The following BLTP1 variants were observed in gnomAD, a reference collection of about 807,000 sequenced individuals.
BLTP1 encodes the protein bridge-like lipid transfer protein family member 1, also known as fragile site-associated protein.
the BLTP1 span, chr4:122,174,433 T>A: frequency 7.2e-7 from 1 of 1,391,256 alleles, no homozygotes; most frequent in South Asian, 1.5e-5. Flanking sequence ...GGAAAATCAG[T>A]AAGGCTGTAA....
the BLTP1 span, chr4:122,347,779 G>A: frequency 6.2e-7 from 1 of 1,610,210 alleles, no homozygotes; most frequent in Non-Finnish European, 8.5e-7. Context: ...TCCTCGAAGA[G>A]GTAACACTGC....
At chr4:122,332,461 C>A in the BLTP1 span, among the ~76,000 whole-genome samples, 1 of 151,836 alleles carries the variant, frequency 6.6e-6, no homozygotes, top group Admixed American at 6.6e-5. Context: ...AAAGTCACGA[C>A]CTTAGGAAAG....
the BLTP1 span, chr4:122,189,099 TATAG>T: frequency 1.0e-6 from 1 of 969,022 alleles, no homozygotes; most frequent in Non-Finnish European, 1.2e-6. Flanking sequence ...TTTGAAAAAT[TATAG>T]AGAGTAAGAT....
the BLTP1 span, chr4:122,350,490 C>A: frequency 1.6e-6 from 1 of 628,288 alleles, no homozygotes; most frequent in Non-Finnish European, 2.0e-6. Context: ...CTATTCTAGG[C>A]ACAGGAGATC....
chr4:122,262,368 A>G, the BLTP1 span, among the ~76,000 whole-genome samples: 1 of 151,658 alleles, frequency 6.6e-6, no homozygotes, highest in Non-Finnish European at 1.5e-5. Flanking sequence ...AAGTTTCAAT[A>G]TACTATTTAC....
the BLTP1 span, chr4:122,257,248 G>A: frequency 1.2e-6 from 2 of 1,612,674 alleles, no homozygotes; most frequent in Non-Finnish European, 1.7e-6. Flanking sequence ...CATGATTATT[G>A]TTACAGAGCG....
At chr4:122,203,459 G>T in the BLTP1 span, among the ~76,000 whole-genome samples, 29 of 151,916 alleles carry the variant, frequency 1.9e-4, no homozygotes, top group African/African-American at 6.7e-4. Flanking sequence ...TAGGGTGTTT[G>T]CCTAACAACT....
chr4:122,345,474 G>A, the BLTP1 span, among the ~76,000 whole-genome samples: 20 of 143,134 alleles, frequency 1.4e-4, no homozygotes, highest in African/African-American at 4.9e-4. Context: ...CTGAAGCACA[G>A]GGTATAAGTG....
At chr4:122,198,215 A>G in the BLTP1 span, 6 of 976,562 alleles carry the variant, frequency 6.1e-6, no homozygotes, top group Non-Finnish European at 7.3e-6. Flanking sequence ...TCTTTTCCCC[A>G]TAACTCTGAG....
the BLTP1 span, among the ~76,000 whole-genome samples, chr4:122,351,488 A>C: frequency 6.6e-6 from 1 of 152,182 alleles, no homozygotes. Flanking sequence ...ATTGATCTAA[A>C]AATGTCCTCT....
the BLTP1 span, among the ~76,000 whole-genome samples, chr4:122,327,210 T>G: frequency 6.6e-6 from 1 of 150,892 alleles, no homozygotes; most frequent in African/African-American, 2.4e-5. Flanking sequence ...TGTAGTCATC[T>G]CTCAATATCT....
At chr4:122,255,773 T>C in the BLTP1 span, among the ~76,000 whole-genome samples, 1 of 152,164 alleles carries the variant, frequency 6.6e-6, no homozygotes, top group African/African-American at 2.4e-5. Flanking sequence ...CCAGGAATGC[T>C]ATGTTGGGTA....
chr4:122,204,765 C>T, the BLTP1 span: 3 of 551,380 alleles, frequency 5.4e-6, no homozygotes, highest in Non-Finnish European at 6.9e-6. Context: ...GTGTTAGACG[C>T]TGTGCTAAAG....
chr4:122,359,255 AT>A, the BLTP1 span: 1 of 855,584 alleles, frequency 1.2e-6, no homozygotes, highest in South Asian at 5.4e-5. Flanking sequence ...AAAATAAAAA[AT>A]AAAAAATAAA....
At chr4:122,159,528 T>A in the BLTP1 span, among the ~76,000 whole-genome samples, 30 of 152,338 alleles carry the variant, frequency 2.0e-4, no homozygotes, top group East Asian at 5.6e-3. Context: ...CGTTGTTTAC[T>A]GCCATGGACT....
chr4:122,298,194 A>C, the BLTP1 span: 1 of 848,734 alleles, frequency 1.2e-6, no homozygotes, highest in African/African-American at 1.8e-5. Flanking sequence ...TAATTGAATA[A>C]ATAGATAAGA....
the BLTP1 span, chr4:122,344,071 A>C: frequency 2.4e-6 from 2 of 840,972 alleles, no homozygotes; most frequent in Non-Finnish European, 2.9e-6. Flanking sequence ...AATGCATAAA[A>C]GCTTCTTATT....
chr4:122,170,634 G>GA, the BLTP1 span: 1 of 1,548,868 alleles, frequency 6.5e-7, no homozygotes, highest in Non-Finnish European at 8.7e-7. Flanking sequence ...TGTTGTTCTG[G>GA]AAAAACTTTA....
At chr4:122,348,467 T>C in the BLTP1 span, 1 of 965,376 alleles carries the variant, frequency 1.0e-6, no homozygotes, top group Non-Finnish European at 1.5e-6. Context: ...AAGAATATTA[T>C]ATTTTTACTT....
Sources: gnomAD v4.1 joint callset for allele counts (sites outside exome capture counted in the v4.1 genomes callset) on GRCh38, gnomAD v4.1.1 for gene constraint, MANE v1.5 for transcripts, NCBI Gene and HGNC (gene_info 2026-07-23, HGNC 2026-07-21) for gene names.